B3GAT2: variants seen among roughly 807,000 people sequenced by gnomAD.
B3GAT2 encodes the protein beta-1,3-glucuronyltransferase 2, also known as galactosylgalactosylxylosylprotein 3-beta-glucuronosyltransferase 2.
In B3GAT2, 26 loss-of-function variants were observed where a neutral mutation model predicts 27.8. That is an observed-to-expected ratio of 0.93 (90% CI 0.68 to 1.30). B3GAT2 has a LOEUF of 1.30. Among genes scored for constraint, B3GAT2 ranks in the 50% most tolerant of loss-of-function variants. The pLI is 0.00. For synonymous variants in B3GAT2, 218 were observed against 195.1 expected (o/e 1.12, Z -0.98); for missense variants, 458 against 459.0 (o/e 1.00, Z 0.02).
At chr6:70,939,676 C>T (rs1411704390) in intron 1 of B3GAT2, among the ~76,000 whole-genome samples, 1 of 146,594 alleles carries the variant, frequency 6.8e-6, no homozygotes, top group Non-Finnish European at 1.5e-5. Context: ...TGTTCTCACT[C>T]ATAGATGGGA....
At chr6:70,878,936 T>C (rs1176405115) in intron 2 of B3GAT2, among the ~76,000 whole-genome samples, 1 of 151,806 alleles carries the variant, frequency 6.6e-6, no homozygotes, top group African/African-American at 2.4e-5. Flanking sequence ...TTTCCTATCC[T>C]CTCCGTCACC....
chr6:70,900,250 A>AT (rs1316735753), intron 1 of B3GAT2, among the ~76,000 whole-genome samples: 3 of 152,116 alleles, frequency 2.0e-5, no homozygotes, highest in Non-Finnish European at 4.4e-5. Flanking sequence ...GACACACAAG[A>AT]TATATTTGGT....
At chr6:70,921,275 C>A (rs553522934) in intron 1 of B3GAT2, among the ~76,000 whole-genome samples, 11 of 152,178 alleles carry the variant, frequency 7.2e-5, no homozygotes, top group Non-Finnish European at 1.2e-4. Context: ...TGGTTTTGTT[C>A]ACTCTTTTTA....
chr6:70,879,276 A>C (rs1395067527), intron 2 of B3GAT2, among the ~76,000 whole-genome samples: 1 of 152,150 alleles, frequency 6.6e-6, no homozygotes. Context: ...CACGGGGTAC[A>C]AAAAATCCTA....
chr6:70,874,921 C>T (rs929187592), intron 2 of B3GAT2, among the ~76,000 whole-genome samples: 3 of 151,564 alleles, frequency 2.0e-5, no homozygotes, highest in Admixed American at 6.6e-5. Context: ...TCAAAGCTAC[C>T]ATGGAGGAAA....
chr6:70,879,112 G>A (rs1242543379), intron 2 of B3GAT2, among the ~76,000 whole-genome samples: 1 of 152,024 alleles, frequency 6.6e-6, no homozygotes, highest in African/African-American at 2.4e-5. Flanking sequence ...ACTTTATCTG[G>A]TACAGCAATC....
rs1771601258 is a variant in B3GAT2 at position 70,859,456 on chromosome 6, G to C, written c.*2207C>G. The C allele has an allele frequency of 7.9e-7, 1 of 1,264,828 alleles. No homozygotes were observed. Among genetic ancestry groups the C allele is most frequent in the African/African-American group, 1.5e-5 (1 of 67,288 alleles). 78.4% of individuals were successfully genotyped at this position (1,264,828 alleles called of 1,614,324 possible). A position where few individuals can be genotyped will look rare whatever the true frequency, so the allele number is the denominator to read the frequency against. On this transcript the variant is annotated 3_prime_UTR_variant, in exon 4 of 4. Coordinates refer to ENST00000230053, the MANE Select transcript of B3GAT2 (RefSeq NM_080742.3). ...TCTGCTTCTTCAGACACTTATGCCT[G>C]ATTAGTGATGTAGTTTATGTTAGTG...
intron 1 of B3GAT2, among the ~76,000 whole-genome samples, chr6:70,917,092 T>C (rs992256314): frequency 1.3e-5 from 2 of 152,244 alleles, no homozygotes; most frequent in Admixed American, 1.3e-4. Context: ...CACTGAACTA[T>C]TTAGAGATTC....
chr6:70,890,920 A>C (rs1772277724), intron 2 of B3GAT2, among the ~76,000 whole-genome samples: 1 of 152,248 alleles, frequency 6.6e-6, no homozygotes, highest in Non-Finnish European at 1.5e-5. Flanking sequence ...CCAATGTTGA[A>C]AATTCCTAAT....
At position 70,859,279 on chromosome 6, in the gene B3GAT2, T is replaced by TA. The variant is rs1333264470; in HGVS notation, c.*2383dup. 7.3e-7 allele frequency: 1 copy of TA among 1,365,990 alleles called. No individual in the cohort carries two copies. Among genetic ancestry groups the TA allele is most frequent in the Non-Finnish European group, 1.0e-6 (1 of 998,802 alleles). The allele number at this position is 1,365,990 out of a possible 1,614,324, so 84.6% of individuals were successfully genotyped here. On this transcript the variant is annotated 3_prime_UTR_variant, in exon 4 of 4. Coordinates refer to ENST00000230053, the MANE Select transcript of B3GAT2 (RefSeq NM_080742.3). ...ATGCTGAAGCACACCCAGCTCAGGT[T>TA]AAGGTGCTAGATGAACCAGGAAGGA...
chr6:70,857,813 A>T lies in B3GAT2; in HGVS notation c.*3850T>A. The stretch of plus-strand genomic sequence containing the variant: ...TAGTAGGAGCAGCCAAACTGGAATT[A>T]AAATGTTTGCTGTGAGTAGTTCAGA... On this transcript the variant is annotated 3_prime_UTR_variant, in exon 4 of 4. Coordinates refer to ENST00000230053, the MANE Select transcript of B3GAT2 (RefSeq NM_080742.3). 8.1e-7 allele frequency: 1 copy of T among 1,234,258 alleles called. No homozygotes were observed. Among genetic ancestry groups the T allele is most frequent in the Non-Finnish European group, 1.1e-6 (1 of 889,668 alleles). 76.5% of individuals were successfully genotyped at this position (1,234,258 alleles called of 1,614,324 possible).
chr6:70,857,521 A>G lies in B3GAT2; in HGVS notation c.*4142T>C, dbSNP rs1771481001. 1 of 177,016 alleles carries G rather than the reference A, an allele frequency of 5.6e-6. No homozygotes were observed. The highest frequency in any genetic ancestry group is 1.2e-5 in the Non-Finnish European group (1 of 83,660). The allele number at this position is 177,016 out of a possible 1,614,324, so 11.0% of individuals were successfully genotyped here. On this transcript the variant is annotated 3_prime_UTR_variant, in exon 4 of 4. Transcript: ENST00000230053. ...AGCTGCATTTCACATGTGAGCTAAA[A>G]TTGTTGGGCAGCCCACTACACCTAT...
At chr6:70,954,611 T>C (rs912750904) in intron 1 of B3GAT2, among the ~76,000 whole-genome samples, 1 of 152,138 alleles carries the variant, frequency 6.6e-6, no homozygotes. Context: ...ACACAGATTA[T>C]TTTAGCAGTT....
intron 2 of B3GAT2, among the ~76,000 whole-genome samples, chr6:70,883,893 T>C (rs925196404): frequency 1.3e-5 from 2 of 151,826 alleles, no homozygotes; most frequent in African/African-American, 4.8e-5. Flanking sequence ...AAGACGTATT[T>C]TCTATGGAAG....
At chr6:70,895,012 C>T (rs1211861286) in intron 1 of B3GAT2, among the ~76,000 whole-genome samples, 1 of 152,160 alleles carries the variant, frequency 6.6e-6, no homozygotes, top group Non-Finnish European at 1.5e-5. Flanking sequence ...AGGAGAAAAT[C>T]GCTACCACCA....
At position 70,860,267 on chromosome 6, in the gene B3GAT2, CCAGCA is replaced by C; in HGVS notation, c.*1391_*1395del. The C allele has an allele frequency of 6.2e-7, 1 of 1,613,770 alleles. No individual in the cohort carries two copies. The highest frequency in any genetic ancestry group is 8.5e-7 in the Non-Finnish European group (1 of 1,179,868). On this transcript the variant is annotated 3_prime_UTR_variant, in exon 4 of 4. Coordinates refer to ENST00000230053, the MANE Select transcript of B3GAT2 (RefSeq NM_080742.3). ...CCTACTGCAGGTTTTGGCCAGCCCT[CCAGCA>C]CAACAGCAGGATGGTCTGGAAGCTC...
At chr6:70,935,511 A>G (rs1765254990) in intron 1 of B3GAT2, among the ~76,000 whole-genome samples, 1 of 151,450 alleles carries the variant, frequency 6.6e-6, no homozygotes, top group East Asian at 1.9e-4. Flanking sequence ...ATTGAAAAGT[A>G]TGTTTATTAA....
chr6:70,923,088 T>C (rs1204786566), intron 1 of B3GAT2, among the ~76,000 whole-genome samples: 2 of 152,224 alleles, frequency 1.3e-5, no homozygotes, highest in Non-Finnish European at 2.9e-5. Context: ...ACCATATAAG[T>C]GTCTTCTGTC....
At chr6:70,938,532 C>T (rs1009990953) in intron 1 of B3GAT2, among the ~76,000 whole-genome samples, 3 of 151,182 alleles carry the variant, frequency 2.0e-5, no homozygotes, top group African/African-American at 7.3e-5. Flanking sequence ...ACCAAAACAG[C>T]ATGGTACTGG....
Sources: allele counts gnomAD v4.1 joint callset (sites outside exome capture counted in the v4.1 genomes callset), GRCh38; gene constraint gnomAD v4.1.1; transcripts MANE v1.5; gene names NCBI Gene and HGNC (gene_info 2026-07-23, HGNC 2026-07-21).